Variants in CACNB2 observed in about 807,000 individuals in gnomAD.
CACNB2 encodes the protein calcium voltage-gated channel auxiliary subunit beta 2.
CACNB2 carries 42 observed loss-of-function variants against 73.3 expected under a neutral mutation model. The observed-to-expected ratio is 0.57, with a 90% CI of 0.45 to 0.74. The LOEUF is 0.74. Ranked by LOEUF, CACNB2 falls within the 30% of genes least tolerant of loss-of-function variation. CACNB2 has a pLI of 0.00. For missense variants in CACNB2, 940 were observed against 853.0 expected (o/e 1.10, Z -1.27); for synonymous variants, 348 against 310.3 (o/e 1.12, Z -1.28).
intron 6 of CACNB2, among the ~76,000 whole-genome samples, chr10:18,507,725 G>A (rs2050566754): frequency 6.6e-6 from 1 of 152,154 alleles, no homozygotes. Context: ...CTGCCAGGGT[G>A]TTTCAGCAAA....
rs144201935 is a variant in CACNB2, at chr10:18,441,181, G to A, written c.333+39138G>A. Among the ~76,000 whole-genome samples the A allele has an allele frequency of 4.4e-4, 67 of 152,196 alleles. 1 individual carries two copies. In the Middle Eastern group the frequency reaches 0.01, roughly 23 times the overall value. The stretch of plus-strand genomic sequence containing the variant: ...GCACTTTGGGAGGCCAAGGAGGGTA[G>A]ATCACCCAGGTCAGGAGGTCGAGAC... On this transcript the variant is annotated intron_variant, in intron 3 of 13. Transcript: ENST00000324631.
At chr10:18,511,236 G>T (rs1230089390) in intron 6 of CACNB2, among the ~76,000 whole-genome samples, 1 of 151,462 alleles carries the variant, frequency 6.6e-6, no homozygotes, top group Non-Finnish European at 1.5e-5. Flanking sequence ...CCTTTTTTTT[G>T]ATAGAAAATC....
intron 2 of CACNB2, chr10:18,400,740 T>G (rs779919544): frequency 6.2e-5 from 83 of 1,341,154 alleles, no homozygotes; most frequent in Non-Finnish European, 5.0e-5. Flanking sequence ...GCATTAAGTT[T>G]AGAACGAGTT....
intron 2 of CACNB2, among the ~76,000 whole-genome samples, chr10:18,243,879 A>G (rs776110847): frequency 3.9e-5 from 6 of 152,206 alleles, no homozygotes; most frequent in East Asian, 1.9e-4. Flanking sequence ...CCCAGCCTCA[A>G]GTATTCAGTT....
intron 3 of CACNB2, among the ~76,000 whole-genome samples, chr10:18,417,200 AT>A (rs11285102): frequency 0.89 from 134,447 of 151,028 alleles, 60,171 homozygotes; most frequent in African/African-American, 0.97. Flanking sequence ...TCTTCGTGCA[AT>A]TTTTTTTTGC....
chr10:18,539,018 T>G (rs536581600), intron 13 of CACNB2, among the ~76,000 whole-genome samples: 3 of 151,894 alleles, frequency 2.0e-5, no homozygotes, highest in Non-Finnish European at 4.4e-5. Context: ...CCATGGGCAC[T>G]GTTCTAGGCA....
intron 3 of CACNB2, among the ~76,000 whole-genome samples, chr10:18,432,376 T>C (rs548182773): frequency 1.3e-5 from 2 of 152,236 alleles, no homozygotes; most frequent in East Asian, 1.9e-4. Flanking sequence ...GTTGTGGTAA[T>C]GGTTTCACAG....
At chr10:18,232,263 C>A (rs1342027136) in intron 2 of CACNB2, among the ~76,000 whole-genome samples, 1 of 152,164 alleles carries the variant, frequency 6.6e-6, no homozygotes. Flanking sequence ...CATGACCAAT[C>A]TATTCACTAG....
At chr10:18,441,592 C>T (rs993450046) in intron 3 of CACNB2, among the ~76,000 whole-genome samples, 1 of 151,970 alleles carries the variant, frequency 6.6e-6, no homozygotes, top group Admixed American at 6.5e-5. Flanking sequence ...ATTGTATATA[C>T]TTATGATACA....
chr10:18,235,177 G>A (rs1283469651), intron 2 of CACNB2, among the ~76,000 whole-genome samples: 1 of 150,730 alleles, frequency 6.6e-6, no homozygotes, highest in Non-Finnish European at 1.5e-5. Flanking sequence ...AAGGAGCTGG[G>A]CGCAGTGGCT....
At chr10:18,243,019 A>AG (rs398045879) in intron 2 of CACNB2, among the ~76,000 whole-genome samples, 1 of 150,842 alleles carries the variant, frequency 6.6e-6, no homozygotes, top group Non-Finnish European at 1.5e-5. Flanking sequence ...AAAAAAAAAA[A>AG]CAAAAAAAAG....
At position 18,289,641 on chromosome 10, in the gene CACNB2, A is replaced by G. The variant is rs78842177; in HGVS notation, c.214-112283A>G. ...AGATTTTTAAAAATGTAAAATACTT[A>G]CCACAGAGAACATTTTCAGCAAATG... On this transcript the variant is annotated intron_variant, in intron 2 of 13. Transcript: ENST00000324631. Among the ~76,000 whole-genome samples, 79 of 152,262 alleles carry G rather than the reference A, an allele frequency of 5.2e-4. No individual in the cohort carries two copies. The East Asian group carries it at 0.014, about 28-fold the overall frequency.
chr10:18,308,974 G>C (rs2039852355), intron 2 of CACNB2, among the ~76,000 whole-genome samples: 1 of 152,006 alleles, frequency 6.6e-6, no homozygotes, highest in Non-Finnish European at 1.5e-5. Flanking sequence ...TTCTCATTTG[G>C]GTTTGGAAGC....
chr10:18,353,631 A>G (rs936209838), intron 2 of CACNB2, among the ~76,000 whole-genome samples: 10 of 152,350 alleles, frequency 6.6e-5, no homozygotes, highest in African/African-American at 2.4e-4. Flanking sequence ...TGAGGGAATA[A>G]TAAGGCACAT....
At chr10:18,267,769 G>A (rs2037877043) in intron 2 of CACNB2, among the ~76,000 whole-genome samples, 2 of 152,176 alleles carry the variant, frequency 1.3e-5, no homozygotes, top group Admixed American at 6.5e-5. Context: ...GGACCCTCTG[G>A]TTGCCTTAGC....
At chr10:18,385,297 G>T (rs1488213503) in intron 2 of CACNB2, among the ~76,000 whole-genome samples, 1 of 148,484 alleles carries the variant, frequency 6.7e-6, no homozygotes, top group Non-Finnish European at 1.5e-5. Flanking sequence ...AAAAAAAACG[G>T]TTGCCTTATC....
intron 2 of CACNB2, among the ~76,000 whole-genome samples, chr10:18,215,037 A>G (rs2035458421): frequency 6.6e-6 from 1 of 152,156 alleles, no homozygotes; most frequent in South Asian, 2.1e-4. Context: ...ATTGGGTCTT[A>G]TTGGTTGTAA....
At chr10:18,202,258 T>C (rs2034913151) in intron 2 of CACNB2, among the ~76,000 whole-genome samples, 1 of 152,162 alleles carries the variant, frequency 6.6e-6, no homozygotes, top group African/African-American at 2.4e-5. Flanking sequence ...TGACTTTCCC[T>C]TGGGTGGTGT....
intron 3 of CACNB2, among the ~76,000 whole-genome samples, chr10:18,418,145 G>A (rs2045104267): frequency 6.6e-6 from 1 of 152,180 alleles, no homozygotes; most frequent in East Asian, 1.9e-4. Context: ...CGCCCTCTTG[G>A]CTCACTGCAA....
Sources: allele counts gnomAD v4.1 joint callset (sites outside exome capture counted in the v4.1 genomes callset), GRCh38; gene constraint gnomAD v4.1.1; transcripts MANE v1.5; gene names NCBI Gene and HGNC (gene_info 2026-07-23, HGNC 2026-07-21).